SYTL3: variants seen among roughly 807,000 people sequenced by gnomAD.
SYTL3 encodes the protein synaptotagmin-like protein 3.
Under a neutral mutation model 82.1 loss-of-function variants are expected in SYTL3, and 88 were observed. The ratio of observed to expected loss-of-function variants is 1.07; its 90% CI spans 0.90 to 1.28. The LOEUF is 1.28. Ranked by LOEUF, SYTL3 falls within the 50% of genes most tolerant of loss-of-function variation. The pLI is 0.00. For missense variants in SYTL3, 831 were observed against 757.6 expected (o/e 1.10, Z -1.14); for synonymous variants, 311 against 289.4 (o/e 1.07, Z -0.76).
In SYTL3 at chr6:158,739,201, G is replaced by A. The variant is rs544423068; in HGVS notation, c.856-6279G>A. ...TTTATTGTAACTACTTTTTTCTCCT[G>A]TGTTACTGTCTCTACCACCTTCTTT... On this transcript the variant is annotated intron_variant, in intron 11 of 17. Coordinates refer to ENST00000611299, the MANE Select transcript of SYTL3 (RefSeq NM_001242394.2). Among the ~76,000 whole-genome samples, 3 of 152,178 alleles carry A rather than the reference G, an allele frequency of 2.0e-5. No individual in the cohort carries two copies. In the East Asian group the frequency reaches 5.8e-4, roughly 29 times the overall value.
At chr6:158,760,587 A>C (rs1789776048) in intron 14 of SYTL3, 53 bp from the exon 15 acceptor site, 10 of 1,514,008 alleles carry the variant, frequency 6.6e-6, no homozygotes, top group Non-Finnish European at 9.2e-6. Context: ...GGAACCCAGA[A>C]GGTTCTTGGG....
chr6:158,730,589 C>T (rs1785273686), intron 11 of SYTL3, among the ~76,000 whole-genome samples: 1 of 152,108 alleles, frequency 6.6e-6, no homozygotes, highest in African/African-American at 2.4e-5. Context: ...AATCGAGACC[C>T]ACCCTGTGTG....
intron 6 of SYTL3, among the ~76,000 whole-genome samples, chr6:158,696,418 T>C (rs1780570150): frequency 6.6e-6 from 1 of 151,742 alleles, no homozygotes. Flanking sequence ...TTGGCCAGTA[T>C]GGTCTTCATC....
At chr6:158,758,036 T>TA (rs1369533572) in intron 14 of SYTL3, among the ~76,000 whole-genome samples, 1 of 152,006 alleles carries the variant, frequency 6.6e-6, no homozygotes, top group Non-Finnish European at 1.5e-5. Flanking sequence ...AGGTTAGCAT[T>TA]TCTCGGAGAC....
chr6:158,756,932 T>C (rs1358965082), intron 13 of SYTL3, among the ~76,000 whole-genome samples: 2 of 151,518 alleles, frequency 1.3e-5, no homozygotes, highest in African/African-American at 2.4e-5. Context: ...AGGGCTACCC[T>C]TGCCTGTCCC....
intron 5 of SYTL3, among the ~76,000 whole-genome samples, chr6:158,678,446 G>T (rs956235390): frequency 6.6e-6 from 1 of 152,192 alleles, no homozygotes; most frequent in Non-Finnish European, 1.5e-5. Flanking sequence ...CAATTTAGAT[G>T]CAAAATGCAT....
upstream of SYTL3, among the ~76,000 whole-genome samples, chr6:158,648,034 C>G (rs1481188431): frequency 6.6e-6 from 1 of 152,250 alleles, no homozygotes; most frequent in African/African-American, 2.4e-5. Context: ...TGGCTCACAC[C>G]TGTAATCCCA....
intron 12 of SYTL3, among the ~76,000 whole-genome samples, chr6:158,748,151 G>A (rs1787908756): frequency 6.6e-6 from 1 of 151,608 alleles, no homozygotes; most frequent in East Asian, 1.9e-4. Flanking sequence ...GTTTAAGGCA[G>A]GGGCCTCAGT....
chr6:158,676,109 C>A (rs1262765925), intron 5 of SYTL3, among the ~76,000 whole-genome samples: 1 of 152,116 alleles, frequency 6.6e-6, no homozygotes, highest in African/African-American at 2.4e-5. Context: ...CAATCCTAAG[C>A]CAAAAGAACA....
chr6:158,648,259 C>G (rs1410761427), upstream of SYTL3, among the ~76,000 whole-genome samples: 5 of 148,254 alleles, frequency 3.4e-5, no homozygotes, highest in African/African-American at 5.0e-5. Flanking sequence ...CGCCATTGCA[C>G]TCCAGCCCGG....
intron 11 of SYTL3, among the ~76,000 whole-genome samples, chr6:158,727,305 G>T (rs1784852707): frequency 6.6e-6 from 1 of 151,906 alleles, no homozygotes; most frequent in Admixed American, 6.6e-5. Flanking sequence ...CTGAGTAGCT[G>T]GGATTACAGG....
chr6:158,657,808 A>C (rs1788870816), intron 2 of SYTL3, among the ~76,000 whole-genome samples: 1 of 148,002 alleles, frequency 6.8e-6, no homozygotes. Flanking sequence ...TGAAACAATA[A>C]AAAATTCTTG....
At chr6:158,714,796 C>T (rs1040873632) in intron 9 of SYTL3, among the ~76,000 whole-genome samples, 3 of 152,198 alleles carry the variant, frequency 2.0e-5, no homozygotes, top group Non-Finnish European at 4.4e-5. Flanking sequence ...CGGATGGTCT[C>T]AGTGCTGCAC....
intron 11 of SYTL3, among the ~76,000 whole-genome samples, chr6:158,737,959 C>T (rs1473617805): frequency 6.6e-6 from 1 of 152,220 alleles, no homozygotes; most frequent in Non-Finnish European, 1.5e-5. Flanking sequence ...GGGCATGACT[C>T]AACCTGCCTT....
chr6:158,717,613 T>G (rs1783575735), intron 9 of SYTL3, among the ~76,000 whole-genome samples: 1 of 152,194 alleles, frequency 6.6e-6, no homozygotes, highest in Non-Finnish European at 1.5e-5. Context: ...GTTTGTTTAT[T>G]ATAATTGTTA....
intron 10 of SYTL3, among the ~76,000 whole-genome samples, chr6:158,718,800 C>T (rs1209823576): frequency 2.0e-5 from 3 of 152,188 alleles, no homozygotes; most frequent in Non-Finnish European, 2.9e-5. Context: ...TGGGAAAGCC[C>T]GCATTCTAGT....
intron 16 of SYTL3, among the ~76,000 whole-genome samples, chr6:158,762,685 G>T (rs1017410751): frequency 5.9e-5 from 9 of 152,186 alleles, no homozygotes; most frequent in Non-Finnish European, 1.3e-4. Flanking sequence ...GGGAGGCTGA[G>T]GCAGGTGGAT....
At chr6:158,663,571 CAGG>C in intron 4 of SYTL3, 193 bp downstream of exon 4, 2 of 985,242 alleles carry the variant, frequency 2.0e-6, no homozygotes, top group African/African-American at 1.7e-5. Context: ...AGAGGACGCT[CAGG>C]AGGAGGAGGG....
intron 2 of SYTL3, among the ~76,000 whole-genome samples, chr6:158,652,383 G>A (rs1462026843): frequency 1.3e-5 from 2 of 151,900 alleles, no homozygotes. Context: ...GAAGTAGCTG[G>A]GACTATAGGC....
Sources: allele counts gnomAD v4.1 joint callset (sites outside exome capture counted in the v4.1 genomes callset), GRCh38; gene constraint gnomAD v4.1.1; transcripts MANE v1.5; gene names NCBI Gene and HGNC (gene_info 2026-07-23, HGNC 2026-07-21).